The following KPNA1 variants were observed in gnomAD, a reference collection of about 807,000 sequenced individuals.
The protein encoded by KPNA1 is karyopherin subunit alpha 1.
A neutral mutation model predicts 70.5 loss-of-function variants in KPNA1; 10 were observed. The observed-to-expected ratio is 0.14, with a 90% CI of 0.09 to 0.24. The LOEUF (loss-of-function observed/expected upper bound fraction) is 0.24, where lower values mean the gene tolerates loss of function less well. Among genes scored for constraint, KPNA1 ranks in the 10% least tolerant of loss-of-function variants. The pLI, the probability that KPNA1 is intolerant of heterozygous loss-of-function variation, is 1.00. For missense variants in KPNA1, 397 were observed against 637.9 expected, an observed-to-expected ratio of 0.62 and a Z score of 4.07; for synonymous variants, 192 against 221.9, an observed-to-expected ratio of 0.87 and a Z score of 1.20.
At chr3:122,507,710 G>C (rs1025274212) in intron 1 of KPNA1, among the ~76,000 whole-genome samples, 1 of 151,122 alleles carries the variant, frequency 6.6e-6, no homozygotes. Flanking sequence ...CTTTATGAAG[G>C]AGAAAAATTA....
At chr3:122,507,049 G>C (rs913027084) in intron 1 of KPNA1, among the ~76,000 whole-genome samples, 1 of 152,160 alleles carries the variant, frequency 6.6e-6, no homozygotes, top group Non-Finnish European at 1.5e-5. Context: ...ACAATGTATT[G>C]AGAAAACAGA....
intron 9 of KPNA1, among the ~76,000 whole-genome samples, chr3:122,445,218 A>T (rs760581762): frequency 6.6e-6 from 1 of 152,218 alleles, no homozygotes; most frequent in Admixed American, 6.5e-5. Flanking sequence ...AAAAGACCTG[A>T]TGGAGCTGAA....
intron 2 of KPNA1, among the ~76,000 whole-genome samples, chr3:122,468,900 T>C (rs2076411301): frequency 6.6e-6 from 1 of 151,974 alleles, no homozygotes; most frequent in Non-Finnish European, 1.5e-5. Flanking sequence ...TCTTTAAAAC[T>C]GAAAAGAAAA....
intron 4 of KPNA1, among the ~76,000 whole-genome samples, chr3:122,461,700 G>A (rs1016560662): frequency 2.0e-5 from 3 of 152,160 alleles, no homozygotes; most frequent in Non-Finnish European, 2.9e-5. Context: ...CTTGTCTGTT[G>A]TAAATCATCT....
At chr3:122,434,604 AATCCTGAGTCC>A (rs576162304) in intron 11 of KPNA1, among the ~76,000 whole-genome samples, 106 of 152,238 alleles carry the variant, frequency 7.0e-4, no homozygotes, top group Admixed American at 7.8e-4. Flanking sequence ...CAATTTTTAA[AATCCTGAGTCC>A]ATCTTTTTCC....
chr3:122,494,764 T>C (rs1287796423), intron 2 of KPNA1, among the ~76,000 whole-genome samples: 1 of 152,142 alleles, frequency 6.6e-6, no homozygotes, highest in Non-Finnish European at 1.5e-5. Context: ...ATGAAATCAG[T>C]AGTCACCAAG....
rs374236266 is a variant in KPNA1 at position 122,496,539 on chromosome 3, A to G, written c.27T>C (p.Phe9=). MTTPGKEN[F]RLKSYKNKSL... ...ATTTGTTCTTGTAACTTTTCAGGCG[A>G]AAGTTCTCTTTTCCTGGGGTGGTCA... Residue 9 remains phenylalanine (F), a synonymous_variant, in exon 2 of 14, where the codon TTT becomes TTC. Transcript: ENST00000344337. The G allele has an allele frequency of 6.8e-6, 11 of 1,613,868 alleles. No individual in the cohort carries two copies. The African/African-American group carries it at 1.3e-4, about 20-fold the overall frequency.
intron 5 of KPNA1, chr3:122,460,795 G>C: frequency 2.8e-6 from 1 of 359,886 alleles, no homozygotes; most frequent in Non-Finnish European, 3.9e-6. Flanking sequence ...GGCTTTTTGT[G>C]GGGTGGAGGA....
intron 5 of KPNA1, chr3:122,457,746 C>G: frequency 7.8e-7 from 1 of 1,289,048 alleles, no homozygotes; most frequent in Non-Finnish European, 1.0e-6. Flanking sequence ...GTTTCCCACT[C>G]CAGGTTGAGG....
At chr3:122,489,696 G>T (rs2076675363) in intron 2 of KPNA1, among the ~76,000 whole-genome samples, 1 of 152,048 alleles carries the variant, frequency 6.6e-6, no homozygotes, top group Admixed American at 6.5e-5. Context: ...AGTTTCAACT[G>T]ATCATTCTCC....
At chr3:122,455,854 C>A (rs1348838576) in intron 5 of KPNA1, among the ~76,000 whole-genome samples, 1 of 152,162 alleles carries the variant, frequency 6.6e-6, no homozygotes, top group African/African-American at 2.4e-5. Context: ...CCGCACCCGG[C>A]CACTTTATAT....
At chr3:122,481,063 G>A (rs1324373996) in intron 2 of KPNA1, among the ~76,000 whole-genome samples, 1 of 152,126 alleles carries the variant, frequency 6.6e-6, no homozygotes, top group Non-Finnish European at 1.5e-5. Flanking sequence ...ATGTAAAATG[G>A]TACAGCTTTT....
chr3:122,454,050 T>G, intron 5 of KPNA1, 49 bp from the exon 6 acceptor site: 1 of 1,350,086 alleles, frequency 7.4e-7, no homozygotes. Flanking sequence ...TGTAAAAGTT[T>G]GTTTACTTAT....
At chr3:122,481,626 T>C (rs959708359) in intron 2 of KPNA1, among the ~76,000 whole-genome samples, 1 of 152,232 alleles carries the variant, frequency 6.6e-6, no homozygotes. Context: ...ACTCTATGAA[T>C]ATACTAAAAA....
chr3:122,456,667 T>C (rs2076268164), intron 5 of KPNA1, among the ~76,000 whole-genome samples: 1 of 151,862 alleles, frequency 6.6e-6, no homozygotes, highest in Non-Finnish European at 1.5e-5. Flanking sequence ...AGTAAGTGAA[T>C]AACAGCCTGA....
intron 11 of KPNA1, among the ~76,000 whole-genome samples, chr3:122,436,138 G>A (rs1053822551): frequency 1.3e-4 from 20 of 152,154 alleles, no homozygotes; most frequent in African/African-American, 3.9e-4. Flanking sequence ...ATATGGTTGT[G>A]GATAAGGGAT....
At chr3:122,449,012 A>G (rs899659561) in intron 9 of KPNA1, among the ~76,000 whole-genome samples, 4 of 152,210 alleles carry the variant, frequency 2.6e-5, no homozygotes, top group African/African-American at 7.2e-5. Context: ...CTTTGCATCT[A>G]CTTTGTACTT....
intron 1 of KPNA1, among the ~76,000 whole-genome samples, chr3:122,512,813 T>C (rs535863425): frequency 1.3e-5 from 2 of 152,368 alleles, no homozygotes; most frequent in Non-Finnish European, 2.9e-5. Context: ...TTTTCATAAA[T>C]GTATGTTTTG....
chr3:122,481,249 T>C (rs1343246936), intron 2 of KPNA1, among the ~76,000 whole-genome samples: 1 of 152,182 alleles, frequency 6.6e-6, no homozygotes, highest in Non-Finnish European at 1.5e-5. Flanking sequence ...AGAAGCATTA[T>C]TCACAATAGT....
Sources: allele counts gnomAD v4.1 joint callset (sites outside exome capture counted in the v4.1 genomes callset), GRCh38; gene constraint gnomAD v4.1.1; transcripts MANE v1.5; gene names NCBI Gene and HGNC (gene_info 2026-07-23, HGNC 2026-07-21).